WBP2NL: variants seen among roughly 807,000 people sequenced by gnomAD.
The protein encoded by WBP2NL is WBP2 N-terminal like.
WBP2NL carries 27 observed loss-of-function variants against 23.3 expected under a neutral mutation model. The observed-to-expected ratio is 1.16, with a 90% CI of 0.85 to 1.60. The LOEUF is 1.60. WBP2NL is among the 40% of genes most tolerant of loss of function. The probability of loss-of-function intolerance (pLI) is 0.00; values close to 1 mark genes in which losing one functional copy is unlikely to be tolerated. For missense variants in WBP2NL, 370 were observed against 389.5 expected, an observed-to-expected ratio of 0.95 and a Z score of 0.42; for synonymous variants, 151 against 145.9, an observed-to-expected ratio of 1.03 and a Z score of -0.25.
In WBP2NL at chr22:42,028,327, T is replaced by G; in HGVS notation, c.*1146T>G. 1 of 348,292 alleles carries G rather than the reference T, an allele frequency of 2.9e-6. No individual in the cohort carries two copies. The highest frequency in any genetic ancestry group is 4.7e-5 in the Admixed American group (1 of 21,462). The allele number at this position is 348,292 out of a possible 1,614,324, so 21.6% of individuals were successfully genotyped here. A position where few individuals can be genotyped will look rare whatever the true frequency, so the allele number is the denominator to read the frequency against. On this transcript the variant is annotated 3_prime_UTR_variant, in exon 6 of 6. Transcript: ENST00000328823. ...AATATTTATATTTTATAACAAACGT[T>G]TATATTTGTATATTTATAACAAATA...
chr22:42,045,214 G>A (rs981542604), intron 8 of WBP2NL, among the ~76,000 whole-genome samples: 35 of 152,162 alleles, frequency 2.3e-4, no homozygotes, highest in East Asian at 1.9e-4. Flanking sequence ...CGAGGCGGGC[G>A]GATCACGAGG....
Position 42,027,161 on chromosome 22 carries a change from T to C in WBP2NL, c.910T>C (p.Ser304Pro). ...CGAGGCTTCTCTTCCCTCTGCCTCC[T>C]CTTCTCAGGTCCATTCTTAACCTTC... ...ENEASLPSAS[S>P]SQVHS Residue 304 changes from serine to proline, a missense_variant, in exon 6 of 6, where the codon TCT becomes CCT. Coordinates refer to ENST00000328823, the MANE Select transcript of WBP2NL (RefSeq NM_152613.3). The C allele has an allele frequency of 6.2e-7, 1 of 1,612,564 alleles. No homozygotes were observed. The highest frequency in any genetic ancestry group is 8.5e-7 in the Non-Finnish European group (1 of 1,179,424).
chr22:42,022,229 T>G lies in WBP2NL; in HGVS notation c.407-20T>G. The G allele has an allele frequency of 6.2e-7, 1 of 1,608,916 alleles. No homozygotes were observed. The highest frequency in any genetic ancestry group is 8.5e-7 in the Non-Finnish European group (1 of 1,175,252). ...GACTTAATTAAAAGAGTTCCTATTT[T>G]GCCAAATTTGTCTTTCCAGCTGCCC... On this transcript the variant is annotated intron_variant, in intron 4 of 5. Transcript: ENST00000328823.
In WBP2NL at chr22:42,027,279, T is replaced by C. The variant is rs1924602410; in HGVS notation, c.*98T>C. 1 of 1,435,306 alleles carries C rather than the reference T, an allele frequency of 7.0e-7. No individual in the cohort carries two copies. Among genetic ancestry groups the C allele is most frequent in the Non-Finnish European group, 9.2e-7 (1 of 1,081,444 alleles). The allele number at this position is 1,435,306 out of a possible 1,614,324, so 88.9% of individuals were successfully genotyped here. ...ACGACTCAGGTATGTGATCACAGGC[T>C]TCTCGCAGGTAGTTGTTCCACCCTT... On this transcript the variant is annotated 3_prime_UTR_variant, in exon 6 of 6. Coordinates refer to ENST00000328823, the MANE Select transcript of WBP2NL (RefSeq NM_152613.3).
downstream of WBP2NL, chr22:42,030,452 T>G (rs187901530): frequency 3.9e-5 from 6 of 152,320 alleles, no homozygotes; most frequent in East Asian, 1.2e-3. Context: ...CTGCTTCCTC[T>G]CAGAAATTAC....
chr22:42,044,277 A>T (rs1265163860), intron 8 of WBP2NL, among the ~76,000 whole-genome samples: 1 of 151,614 alleles, frequency 6.6e-6, no homozygotes, highest in African/African-American at 2.4e-5. Flanking sequence ...CATTATGTTG[A>T]CTAGGCTGGT....
Position 41,998,849 on chromosome 22 carries a change from C to T in WBP2NL, c.31C>T (p.Arg11Cys), listed in dbSNP as rs565263841. Residue 11 changes from arginine (R) to cysteine (C), a missense_variant, in exon 1 of 6, where the codon CGC becomes TGC. Arg to Cys is a radical substitution (Grantham distance 180). Coordinates refer to ENST00000328823, the MANE Select transcript of WBP2NL (RefSeq NM_152613.3). Reference protein sequence around the residue: MAVNQSHTENRRGALIPNGES... With the variant: MAVNQSHTENCRGALIPNGES... ...GGTGAATCAGAGCCACACCGAGAACCGCCGCGGAGCCCTCATCCCTAACGG... is the reference window on the plus strand; with the variant it reads ...GGTGAATCAGAGCCACACCGAGAACTGCCGCGGAGCCCTCATCCCTAACGG... 3 of 1,612,518 alleles carry T rather than the reference C, an allele frequency of 1.9e-6. No homozygotes were observed. Among genetic ancestry groups the T allele is most frequent in the Admixed American group, 3.3e-5 (2 of 59,902 alleles).
At chr22:42,042,807 C>G (rs745751281) in intron 8 of WBP2NL, among the ~76,000 whole-genome samples, 1 of 152,086 alleles carries the variant, frequency 6.6e-6, no homozygotes, top group Non-Finnish European at 1.5e-5. Context: ...GCCTGCAACT[C>G]CAGCACTTTG....
downstream of WBP2NL, among the ~76,000 whole-genome samples, chr22:42,034,486 A>G (rs535057480): frequency 1.3e-5 from 2 of 152,336 alleles, no homozygotes; most frequent in Admixed American, 6.5e-5. Flanking sequence ...ACAGGGTAAT[A>G]GAATATCACA....
chr22:42,037,850 AGTGTGTGT>A (rs145563548), downstream of WBP2NL, among the ~76,000 whole-genome samples: 377 of 143,798 alleles, frequency 2.6e-3, no homozygotes, highest in African/African-American at 8.9e-3. Context: ...AGAGAGTGAG[AGTGTGTGT>A]GTGTGTGTGT....
chr22:42,005,634 G>GT (rs1922157109), intron 1 of WBP2NL, among the ~76,000 whole-genome samples: 1 of 152,184 alleles, frequency 6.6e-6, no homozygotes, highest in Non-Finnish European at 1.5e-5. Flanking sequence ...ATTGACAGCA[G>GT]AAACAATAAC....
chr22:42,056,793 A>C (rs540651325), intron 8 of WBP2NL, among the ~76,000 whole-genome samples: 32 of 152,268 alleles, frequency 2.1e-4, no homozygotes, highest in African/African-American at 7.7e-4. Flanking sequence ...TTCCTGTAAT[A>C]ATCACATCAT....
At chr22:42,021,569 A>C (rs573622654) in intron 4 of WBP2NL, among the ~76,000 whole-genome samples, 1 of 152,338 alleles carries the variant, frequency 6.6e-6, no homozygotes, top group East Asian at 1.9e-4. Flanking sequence ...GAGGGGAGAC[A>C]AGACAAAAGT....
At chr22:42,000,946 T>C in intron 1 of WBP2NL, 2 of 365,132 alleles carry the variant, frequency 5.5e-6, no homozygotes, top group South Asian at 4.0e-5. Flanking sequence ...TGAGCCGAGA[T>C]TGTGCCACTG....
intron 8 of WBP2NL, among the ~76,000 whole-genome samples, chr22:42,045,610 T>G (rs1337676352): frequency 6.6e-6 from 1 of 152,192 alleles, no homozygotes. Context: ...GCCCACAAAT[T>G]CGATAACCTA....
chr22:42,027,743 C>A lies in WBP2NL; in HGVS notation c.*562C>A. On this transcript the variant is annotated 3_prime_UTR_variant, in exon 6 of 6. Transcript: ENST00000328823. ...TAAAAGCATGATAAATTGACTATAT[C>A]AAAATTTAAAACTTCTCTATGACAG... 2.6e-6 allele frequency: 1 copy of A among 379,868 alleles called. No individual in the cohort carries two copies. The highest frequency in any genetic ancestry group is 4.6e-6 in the Non-Finnish European group (1 of 215,230). The allele number at this position is 379,868 out of a possible 1,614,324, so 23.5% of individuals were successfully genotyped here.
chr22:42,054,018 C>G (rs1276359577), intron 8 of WBP2NL, among the ~76,000 whole-genome samples: 1 of 152,080 alleles, frequency 6.6e-6, no homozygotes, highest in Non-Finnish European at 1.5e-5. Context: ...TCTTGAACTC[C>G]TGGCCTCAAG....
At chr22:42,005,599 A>G (rs1308971585) in intron 1 of WBP2NL, among the ~76,000 whole-genome samples, 1 of 152,236 alleles carries the variant, frequency 6.6e-6, no homozygotes, top group Non-Finnish European at 1.5e-5. Context: ...CATCTTGTTC[A>G]TGCCCTAATT....
At chr22:42,024,815 T>C (rs907416757) in intron 5 of WBP2NL, among the ~76,000 whole-genome samples, 1 of 151,812 alleles carries the variant, frequency 6.6e-6, no homozygotes, top group Non-Finnish European at 1.5e-5. Context: ...TTTTTTTTTT[T>C]TTTTTGAGAC....
Sources: allele counts gnomAD v4.1 joint callset (sites outside exome capture counted in the v4.1 genomes callset), GRCh38; gene constraint gnomAD v4.1.1; transcripts MANE v1.5; gene names NCBI Gene and HGNC (gene_info 2026-07-23, HGNC 2026-07-21).